The following CCDC38 variants were observed in gnomAD, a reference collection of about 807,000 sequenced individuals.
CCDC38 encodes coiled-coil domain-containing protein 38.
A neutral mutation model predicts 72.8 loss-of-function variants in CCDC38; 69 were observed. The observed-to-expected ratio is 0.95, with a 90% confidence interval of 0.78 to 1.16. The LOEUF (loss-of-function observed/expected upper bound fraction) is 1.16, where lower values mean the gene tolerates loss of function less well. CCDC38 is among the 50% of genes most tolerant of loss of function. The pLI, the probability that CCDC38 is intolerant of heterozygous loss-of-function variation, is 0.00. For missense variants in CCDC38, 626 were observed against 638.9 expected, an observed-to-expected ratio of 0.98 and a Z score of 0.22; for synonymous variants, 201 against 213.2, an observed-to-expected ratio of 0.94 and a Z score of 0.50.
chr12:95,898,757 A>G (rs768230858), intron 5 of CCDC38, 26 bp from the exon 6 acceptor site: 1 of 1,601,084 alleles, frequency 6.2e-7, no homozygotes, highest in South Asian at 1.1e-5. Context: ...ACAGAGGTGT[A>G]AAAACATGAT....
At chr12:95,881,433 C>G in intron 11 of CCDC38, 52 bp downstream of exon 11, 2 of 1,237,934 alleles carry the variant, frequency 1.6e-6, no homozygotes, top group Non-Finnish European at 1.2e-6. Context: ...AAATGATCAT[C>G]AGTATTTTTC....
chr12:95,928,096 A>G (rs2080293298), intron 2 of CCDC38, among the ~76,000 whole-genome samples: 1 of 150,128 alleles, frequency 6.7e-6, no homozygotes, highest in East Asian at 1.9e-4. Context: ...GCCTTGCTAG[A>G]TTGGGGAAGT....
chr12:95,917,367 A>G (rs1316519999), intron 3 of CCDC38, 73 bp from the exon 4 acceptor site: 1 of 1,235,726 alleles, frequency 8.1e-7, no homozygotes, highest in East Asian at 2.8e-5. Context: ...GTGATTATAT[A>G]TAAAAATAAC....
At chr12:95,914,280 C>T (rs954970203) in intron 4 of CCDC38, among the ~76,000 whole-genome samples, 1 of 152,140 alleles carries the variant, frequency 6.6e-6, no homozygotes, top group African/African-American at 2.4e-5. Context: ...GCCAAGACTG[C>T]GCCACTGCAC....
In CCDC38 at chr12:95,911,724, T is replaced by C. The variant is rs558878771; in HGVS notation, c.305-5273A>G. On this transcript the variant is annotated intron_variant, in intron 4 of 15. Transcript: ENST00000344280. Reference sequence around the variant, plus strand: ...AAAAAGTCAAAAAATAACAGATGACTAGGTTGCAGAGAAAAATGGAATGCT... The same window carrying C: ...AAAAAGTCAAAAAATAACAGATGACCAGGTTGCAGAGAAAAATGGAATGCT... Among the ~76,000 whole-genome samples the C allele has an allele frequency of 2.0e-5, 3 of 152,112 alleles. No homozygotes were observed. The South Asian group carries it at 6.2e-4, about 32-fold the overall frequency.
In CCDC38 at chr12:95,917,164, C is replaced by A. The variant is rs1165198347; in HGVS notation, c.269G>T (p.Gly90Val). 2.5e-6 allele frequency: 4 copies of A among 1,603,010 alleles called. No individual in the cohort carries two copies. Among genetic ancestry groups the A allele is most frequent in the Non-Finnish European group, 2.5e-6 (3 of 1,177,720 alleles). ...KRSGRSFEKF[G>V]PGPAPIPRLI... Reference sequence around the variant, plus strand: ...TCTAGGAATCGGAGCAGGACCTGGCCCAAACTTTTCAAATGACCTACCACT... The same window carrying A: ...TCTAGGAATCGGAGCAGGACCTGGCACAAACTTTTCAAATGACCTACCACT... The change falls in exon 4 of 16, where the codon GGG (glycine) becomes GTG (valine). Residue 90 changes from glycine (G) to valine (V), a missense_variant. Coordinates refer to ENST00000344280, the MANE Select transcript of CCDC38 (RefSeq NM_182496.3).
intron 5 of CCDC38, among the ~76,000 whole-genome samples, chr12:95,905,751 G>T (rs2079994631): frequency 6.6e-6 from 1 of 152,164 alleles, no homozygotes; most frequent in African/African-American, 2.4e-5. Flanking sequence ...TTCCCATTAA[G>T]TGCTTGGCAT....
At chr12:95,897,610 C>CAAAAA (rs370408931) in intron 7 of CCDC38, among the ~76,000 whole-genome samples, 4 of 75,344 alleles carry the variant, frequency 5.3e-5, no homozygotes, top group Non-Finnish European at 1.1e-4. Flanking sequence ...AACTCCCTCT[C>CAAAAA]AAAAAAAAAA....
At chr12:95,938,598 A>T (rs1489298058) in intron 1 of CCDC38, among the ~76,000 whole-genome samples, 1 of 152,236 alleles carries the variant, frequency 6.6e-6, no homozygotes, top group Admixed American at 6.5e-5. Flanking sequence ...TTCATATAAC[A>T]TGTAAATGCA....
At chr12:95,873,428 G>A (rs933075847) in intron 13 of CCDC38, among the ~76,000 whole-genome samples, 1 of 152,164 alleles carries the variant, frequency 6.6e-6, no homozygotes, top group Non-Finnish European at 1.5e-5. Flanking sequence ...CACTGTTTTC[G>A]TTGGGAAGCC....
intron 7 of CCDC38, among the ~76,000 whole-genome samples, chr12:95,897,260 G>A (rs2079899556): frequency 6.6e-6 from 1 of 152,090 alleles, no homozygotes; most frequent in African/African-American, 2.4e-5. Context: ...AGTGTATTCT[G>A]AATCATGAAA....
chr12:95,869,613 C>A, intron 14 of CCDC38, 40 bp from the exon 15 acceptor site: 1 of 1,441,550 alleles, frequency 6.9e-7, no homozygotes, highest in South Asian at 1.2e-5. Context: ...AACTATAAAT[C>A]ACATTGAGTA....
intron 10 of CCDC38, among the ~76,000 whole-genome samples, chr12:95,884,711 A>C (rs1157416478): frequency 6.6e-6 from 1 of 152,240 alleles, no homozygotes; most frequent in Non-Finnish European, 1.5e-5. Flanking sequence ...CTTGGCTTGC[A>C]GCCACATCAC....
In CCDC38 at chr12:95,872,279, A is replaced by T; in HGVS notation, c.1460T>A (p.Met487Lys). 1 of 1,614,120 alleles carries T rather than the reference A, an allele frequency of 6.2e-7. No individual in the cohort carries two copies. ...PKENVEAIER[M>K]KQKEWRQKFR... ...CTTTTGCCGCCATTCTTTCTGTTTC[A>T]TCCTCTCAATTGCCTCCACATTTTC... Residue 487 changes from methionine to lysine, a missense_variant, in exon 14 of 16, where the codon ATG (methionine) becomes AAG (lysine). Met to Lys is a moderately conservative substitution (Grantham distance 95). Transcript: ENST00000344280.
At chr12:95,922,626 T>C (rs2080221667) in intron 2 of CCDC38, among the ~76,000 whole-genome samples, 1 of 152,188 alleles carries the variant, frequency 6.6e-6, no homozygotes, top group African/African-American at 2.4e-5. Context: ...GACGTCATAT[T>C]TGGCAAGAGC....
intron 4 of CCDC38, among the ~76,000 whole-genome samples, chr12:95,912,858 G>A (rs2080108638): frequency 2.0e-5 from 3 of 152,054 alleles, no homozygotes; most frequent in African/African-American, 7.2e-5. Flanking sequence ...TCAGGAGTTT[G>A]AGACCAACCT....
At chr12:95,881,784 A>C (rs1381277689) in intron 10 of CCDC38, among the ~76,000 whole-genome samples, 1 of 152,188 alleles carries the variant, frequency 6.6e-6, no homozygotes, top group African/African-American at 2.4e-5. Flanking sequence ...AAACAATGAG[A>C]CCACATGGGA....
chr12:95,930,972 TTAAC>T (rs34562442), intron 2 of CCDC38, among the ~76,000 whole-genome samples: 65,321 of 151,710 alleles, frequency 0.43, 14,380 homozygotes, highest in Admixed American at 0.54. Context: ...ACATTACTAA[TTAAC>T]AACCTTGAGA....
chr12:95,877,469 C>G (rs2079647925), intron 13 of CCDC38, among the ~76,000 whole-genome samples: 1 of 152,152 alleles, frequency 6.6e-6, no homozygotes, highest in Non-Finnish European at 1.5e-5. Context: ...AGCAGCCCAA[C>G]CCTCAGTTTG....
Sources: gnomAD v4.1 joint callset for allele counts (sites outside exome capture counted in the v4.1 genomes callset) on GRCh38, gnomAD v4.1.1 for gene constraint, MANE v1.5 for transcripts, NCBI Gene and HGNC (gene_info 2026-07-23, HGNC 2026-07-21) for gene names.